AGBL4: variants seen among roughly 807,000 people sequenced by gnomAD.
The protein encoded by AGBL4 is cytosolic carboxypeptidase 6.
AGBL4 carries 58 observed loss-of-function variants against 66.4 expected under a neutral mutation model. That is an observed-to-expected ratio of 0.87 (90% confidence interval 0.71 to 1.09). The LOEUF is 1.09. Among genes scored for constraint, AGBL4 ranks in the 50% least tolerant of loss-of-function variants. AGBL4 has a pLI of 0.00. For synonymous variants in AGBL4, 234 were observed against 222.9 expected, an observed-to-expected ratio of 1.05 and a Z score of -0.44; for missense variants, 579 against 631.0, an observed-to-expected ratio of 0.92 and a Z score of 0.88.
chr1:48,744,607 G>C (rs1047545137), intron 6 of AGBL4, among the ~76,000 whole-genome samples: 2 of 152,164 alleles, frequency 1.3e-5, no homozygotes, highest in African/African-American at 4.8e-5. Flanking sequence ...TTCCTTCCAT[G>C]AGAGGCTGGA....
At chr1:48,652,774 G>A (rs1293346081) in intron 8 of AGBL4, among the ~76,000 whole-genome samples, 1 of 152,160 alleles carries the variant, frequency 6.6e-6, no homozygotes, top group African/African-American at 2.4e-5. Flanking sequence ...GCTAAGCCAG[G>A]AGAAAAGGAG....
chr1:49,078,584 A>G (rs1171382841), intron 4 of AGBL4, among the ~76,000 whole-genome samples: 1 of 152,092 alleles, frequency 6.6e-6, no homozygotes, highest in Admixed American at 6.6e-5. Context: ...TCCAGTCACT[A>G]TTCAGCTCTC....
intron 3 of AGBL4, among the ~76,000 whole-genome samples, chr1:49,593,666 C>A (rs558427182): frequency 6.6e-6 from 1 of 152,256 alleles, no homozygotes; most frequent in East Asian, 1.9e-4. Flanking sequence ...TTGCTTGGGG[C>A]AGGTTACATA....
In AGBL4 at chr1:48,862,755, C is replaced by T. The variant is rs531527383; in HGVS notation, c.634+4436G>A. Among the ~76,000 whole-genome samples the T allele has an allele frequency of 6.1e-4, 93 of 152,294 alleles. 2 individuals are homozygous for T. The highest frequency in any genetic ancestry group is 1.9e-3 in the Admixed American group (29 of 15,304). On this transcript the variant is annotated intron_variant, in intron 6 of 13. Transcript: ENST00000371839. ...TGCATTTTGGTTACATCACTATCCCCAAAATGTACTGCTGTTTTGCATGCT... is the reference window on the plus strand; with the variant it reads ...TGCATTTTGGTTACATCACTATCCCTAAAATGTACTGCTGTTTTGCATGCT...
At chr1:49,903,592 CAG>C (rs1275814554) in intron 1 of AGBL4, among the ~76,000 whole-genome samples, 2 of 152,028 alleles carry the variant, frequency 1.3e-5, no homozygotes, top group South Asian at 2.1e-4. Context: ...AACTGTAAAA[CAG>C]GGGTTAATAT....
intron 3 of AGBL4, among the ~76,000 whole-genome samples, chr1:49,315,234 A>G (rs549309745): frequency 1.3e-5 from 2 of 152,330 alleles, no homozygotes; most frequent in South Asian, 4.1e-4. Context: ...ACCTTATACA[A>G]AAATTAACTC....
chr1:49,296,823 G>C (rs1644652293), intron 3 of AGBL4, among the ~76,000 whole-genome samples: 1 of 152,204 alleles, frequency 6.6e-6, no homozygotes. Flanking sequence ...TGTCAACACT[G>C]TCAGCAGCAA....
intron 2 of AGBL4, among the ~76,000 whole-genome samples, chr1:49,833,149 C>A (rs1645744490): frequency 6.6e-6 from 1 of 152,116 alleles, no homozygotes; most frequent in South Asian, 2.1e-4. Flanking sequence ...AGTCTTTAAT[C>A]CATCTTGAAT....
chr1:49,572,560 C>A (rs1358526802), intron 3 of AGBL4, among the ~76,000 whole-genome samples: 1 of 151,962 alleles, frequency 6.6e-6, no homozygotes. Context: ...TCATTTTGTT[C>A]TGTTCGTGGT....
At chr1:49,661,081 T>C (rs1571278159) in intron 3 of AGBL4, among the ~76,000 whole-genome samples, 1 of 152,104 alleles carries the variant, frequency 6.6e-6, no homozygotes, top group South Asian at 2.1e-4. Flanking sequence ...CAAACCTGCA[T>C]ATCCTGCACA....
At chr1:48,869,850 A>T (rs949802955) in intron 5 of AGBL4, among the ~76,000 whole-genome samples, 4 of 152,174 alleles carry the variant, frequency 2.6e-5, no homozygotes, top group Non-Finnish European at 5.9e-5. Flanking sequence ...TGCATGTATC[A>T]GTCTTTCTCA....
rs113590447 is a variant in AGBL4, at chr1:49,177,199, T to C, written c.377+68571A>G. ...GCATCCTTAGTCGAGTCATTTTGCC[T>C]CATAATCTAGTACAGAAACATAAAA... On this transcript the variant is annotated intron_variant, in intron 4 of 13. Coordinates refer to ENST00000371839, the MANE Select transcript of AGBL4 (RefSeq NM_032785.4). 2.5e-3 allele frequency among the ~76,000 whole-genome samples: 387 copies of C among 152,308 alleles called. 1 individual carries two copies. The highest frequency in any genetic ancestry group is 5.0e-3 in the South Asian group (24 of 4,828).
chr1:49,591,585 T>G (rs555668183), intron 3 of AGBL4, among the ~76,000 whole-genome samples: 1 of 152,120 alleles, frequency 6.6e-6, no homozygotes, highest in East Asian at 1.9e-4. Context: ...AAGAAAAAAC[T>G]ATTTTAAAAT....
intron 9 of AGBL4, among the ~76,000 whole-genome samples, chr1:48,625,757 G>A (rs902054988): frequency 1.3e-5 from 2 of 152,060 alleles, no homozygotes; most frequent in African/African-American, 2.4e-5. Context: ...AGTCTTTCGG[G>A]ATGAAAAGGT....
At chr1:49,753,520 C>A (rs1015117751) in intron 2 of AGBL4, among the ~76,000 whole-genome samples, 1 of 151,744 alleles carries the variant, frequency 6.6e-6, no homozygotes, top group Non-Finnish European at 1.5e-5. Context: ...TCATTTCAAC[C>A]TTGGTGGATC....
intron 6 of AGBL4, among the ~76,000 whole-genome samples, chr1:48,820,903 A>G (rs1403951655): frequency 1.3e-5 from 2 of 152,226 alleles, no homozygotes; most frequent in East Asian, 3.8e-4. Flanking sequence ...CAATTCAACA[A>G]GAAAAAAAAC....
At chr1:48,828,597 A>G (rs1420101550) in intron 6 of AGBL4, among the ~76,000 whole-genome samples, 1 of 152,166 alleles carries the variant, frequency 6.6e-6, no homozygotes, top group Non-Finnish European at 1.5e-5. Flanking sequence ...TGACTGATAC[A>G]TTCAGATTTA....
chr1:48,896,197 C>T (rs1229115176), intron 5 of AGBL4, among the ~76,000 whole-genome samples: 1 of 152,170 alleles, frequency 6.6e-6, no homozygotes. Flanking sequence ...ATATTCCACA[C>T]AGGTATCTGC....
chr1:49,854,072 T>C (rs1446729117), intron 1 of AGBL4, among the ~76,000 whole-genome samples: 2 of 151,938 alleles, frequency 1.3e-5, no homozygotes, highest in Admixed American at 6.6e-5. Context: ...TAAATCACTA[T>C]AGAAAAAATA....
Sources: allele counts gnomAD v4.1 joint callset (sites outside exome capture counted in the v4.1 genomes callset), GRCh38; gene constraint gnomAD v4.1.1; transcripts MANE v1.5; gene names NCBI Gene and HGNC (gene_info 2026-07-23, HGNC 2026-07-21).